The following NTRK2 variants were observed in gnomAD, a reference collection of about 807,000 sequenced individuals.
NTRK2 encodes the protein neurotrophic receptor tyrosine kinase 2.
A neutral mutation model predicts 94.5 loss-of-function variants in NTRK2; 13 were observed. The observed-to-expected ratio is 0.14, with a 90% CI of 0.09 to 0.22. The LOEUF is 0.22. Ranked by LOEUF, NTRK2 falls within the 10% of genes least tolerant of loss-of-function variation. The pLI, the probability that NTRK2 is intolerant of heterozygous loss-of-function variation, is 1.00. For missense variants in NTRK2, 639 were observed against 1,071.2 expected, an observed-to-expected ratio of 0.60 and a Z score of 5.63; for synonymous variants, 372 against 407.4, an observed-to-expected ratio of 0.91 and a Z score of 1.05.
intron 17 of NTRK2, among the ~76,000 whole-genome samples, chr9:84,961,221 T>C (rs1442688102): frequency 1.3e-5 from 2 of 152,326 alleles, no homozygotes; most frequent in Non-Finnish European, 2.9e-5. Flanking sequence ...AAGAGGGATG[T>C]CCTCTGTGTC....
chr9:84,954,295 G>A (rs1044910603), intron 16 of NTRK2, among the ~76,000 whole-genome samples: 1 of 152,186 alleles, frequency 6.6e-6, no homozygotes, highest in Non-Finnish European at 1.5e-5. Flanking sequence ...CGCTCATCTT[G>A]GCTCACAGCG....
intron 6 of NTRK2, among the ~76,000 whole-genome samples, chr9:84,712,486 T>G (rs559463076): frequency 6.6e-6 from 1 of 152,172 alleles, no homozygotes; most frequent in Non-Finnish European, 1.5e-5. Context: ...AATTGATCGA[T>G]TAGGACTGAA....
chr9:84,695,911 A>G (rs1027768549), intron 2 of NTRK2, among the ~76,000 whole-genome samples: 2 of 152,324 alleles, frequency 1.3e-5, no homozygotes, highest in Admixed American at 1.3e-4. Context: ...CTTCAAGATA[A>G]AGAATTGCTG....
intron 12 of NTRK2, among the ~76,000 whole-genome samples, chr9:84,783,232 C>T (rs545165764): frequency 6.6e-6 from 1 of 152,302 alleles, no homozygotes; most frequent in African/African-American, 2.4e-5. Flanking sequence ...GATTGACTTT[C>T]CCTTCTTGAC....
intron 9 of NTRK2, among the ~76,000 whole-genome samples, chr9:84,740,547 G>A (rs143630541): frequency 6.6e-6 from 1 of 152,196 alleles, no homozygotes; most frequent in Non-Finnish European, 1.5e-5. Flanking sequence ...CACAGGGTGT[G>A]CACTGCACAA....
chr9:84,671,565 G>GA (rs2058698820), intron 2 of NTRK2, among the ~76,000 whole-genome samples: 1 of 152,144 alleles, frequency 6.6e-6, no homozygotes, highest in Admixed American at 6.5e-5. Flanking sequence ...TCGCTCAAAA[G>GA]AAAAAAATAT....
intron 2 of NTRK2, among the ~76,000 whole-genome samples, chr9:84,683,794 A>G (rs1017675707): frequency 2.0e-5 from 3 of 152,170 alleles, no homozygotes; most frequent in Non-Finnish European, 4.4e-5. Flanking sequence ...GAACTAATTT[A>G]CACTCGCACC....
At chr9:84,909,750 C>T (rs2077183388) in intron 14 of NTRK2, among the ~76,000 whole-genome samples, 1 of 151,986 alleles carries the variant, frequency 6.6e-6, no homozygotes, top group South Asian at 2.1e-4. Context: ...ATCTCTTCAT[C>T]CCTTTTCTTC....
chr9:84,771,664 T>C (rs1278069382), intron 12 of NTRK2, among the ~76,000 whole-genome samples: 1 of 152,216 alleles, frequency 6.6e-6, no homozygotes, highest in East Asian at 1.9e-4. Flanking sequence ...ATCTGCCTGG[T>C]TATTTCTTAC....
intron 15 of NTRK2, among the ~76,000 whole-genome samples, chr9:84,938,406 G>C (rs13290496): frequency 0.055 from 8,356 of 152,228 alleles, 281 homozygotes; most frequent in South Asian, 0.11. Context: ...TCCCATCCAC[G>C]CATCAGCTCT....
chr9:84,791,275 C>G (rs935475086), intron 12 of NTRK2, among the ~76,000 whole-genome samples: 8 of 152,076 alleles, frequency 5.3e-5, no homozygotes, highest in African/African-American at 1.9e-4. Flanking sequence ...GACCAGAACA[C>G]CTAGATTAAC....
intron 14 of NTRK2, among the ~76,000 whole-genome samples, chr9:84,925,243 T>C (rs567250357): frequency 2.0e-5 from 3 of 149,630 alleles, no homozygotes; most frequent in African/African-American, 7.4e-5. Context: ...GACCCTCAAC[T>C]ATTCCTCTTA....
At chr9:84,740,002 G>A (rs2063525366) in intron 9 of NTRK2, among the ~76,000 whole-genome samples, 2 of 152,346 alleles carry the variant, frequency 1.3e-5, no homozygotes, top group Admixed American at 6.5e-5. Flanking sequence ...TGGATTTGAA[G>A]TTGAAAATCT....
At chr9:84,788,221 GTTATAC>G (rs947740070) in intron 12 of NTRK2, among the ~76,000 whole-genome samples, 2 of 152,094 alleles carry the variant, frequency 1.3e-5, no homozygotes, top group African/African-American at 2.4e-5. Flanking sequence ...ATGGAGAATA[GTTATAC>G]TTAGTAGGGA....
chr9:84,742,131 C>G (rs2063695811), intron 10 of NTRK2, among the ~76,000 whole-genome samples: 2 of 152,174 alleles, frequency 1.3e-5, no homozygotes, highest in South Asian at 2.1e-4. Context: ...AGCACTTTCT[C>G]TCTCATACCC....
At chr9:84,811,333 A>T in intron 12 of NTRK2, 1 of 1,066,338 alleles carries the variant, frequency 9.4e-7, no homozygotes, top group East Asian at 5.0e-5. Context: ...AGAAGAAGAA[A>T]AAAAACAAGA....
intron 14 of NTRK2, among the ~76,000 whole-genome samples, chr9:84,926,087 T>C (rs914215927): frequency 1.8e-4 from 27 of 146,790 alleles, no homozygotes; most frequent in Middle Eastern, 3.4e-3. Context: ...TTCTTTCCCT[T>C]CCTTCCTTCC....
At position 84,869,976 on chromosome 9, in the gene NTRK2, A is replaced by G. The variant is rs185391149; in HGVS notation, c.1633+2545A>G. 5.7e-4 allele frequency among the ~76,000 whole-genome samples: 86 copies of G among 151,682 alleles called. 2 individuals are homozygous for G. The Middle Eastern group carries it at 0.017, about 31-fold the overall frequency. On this transcript the variant is annotated intron_variant, in intron 14 of 18. Coordinates refer to ENST00000277120, the MANE Select transcript of NTRK2 (RefSeq NM_006180.6). ...AAAAATCTTTTCTTTGAACATTCTA[A>G]TTGTAGTCGTGCAGAAATTAAAATA...
chr9:85,012,490 T>C (rs1024028196), intron 17 of NTRK2, among the ~76,000 whole-genome samples: 8 of 152,152 alleles, frequency 5.3e-5, no homozygotes, highest in African/African-American at 1.9e-4. Flanking sequence ...GTTCTATAGT[T>C]TTCTTTTTAA....
Sources: gnomAD v4.1 joint callset for allele counts (sites outside exome capture counted in the v4.1 genomes callset) on GRCh38, gnomAD v4.1.1 for gene constraint, MANE v1.5 for transcripts, NCBI Gene and HGNC (gene_info 2026-07-23, HGNC 2026-07-21) for gene names.